SIK3: variants seen among roughly 807,000 people sequenced by gnomAD.
The protein encoded by SIK3 is SIK family kinase 3, also known as serine/threonine-protein kinase SIK3.
Under a neutral mutation model 144.2 loss-of-function variants are expected in SIK3, and 28 were observed. The observed-to-expected ratio is 0.19, with a 90% confidence interval of 0.14 to 0.27. The LOEUF (loss-of-function observed/expected upper bound fraction) is 0.27. SIK3 is among the 10% of genes least tolerant of loss of function. SIK3 has a pLI of 1.00. For synonymous variants in SIK3, 686 were observed against 676.3 expected, an observed-to-expected ratio of 1.01 and a Z score of -0.22; for missense variants, 1,319 against 1,776.0, an observed-to-expected ratio of 0.74 and a Z score of 4.62.
chr11:116,939,240 T>C (rs1196448298), intron 3 of SIK3, among the ~76,000 whole-genome samples: 2 of 152,146 alleles, frequency 1.3e-5, no homozygotes, highest in African/African-American at 2.4e-5. Flanking sequence ...CTCCGCCTCC[T>C]GGGTTCAAGC....
chr11:116,964,731 A>G (rs1398850477), intron 1 of SIK3, among the ~76,000 whole-genome samples: 2 of 152,040 alleles, frequency 1.3e-5, no homozygotes, highest in Non-Finnish European at 2.9e-5. Context: ...AAATACAAAA[A>G]TTAGCCAGGT....
intron 15 of SIK3, among the ~76,000 whole-genome samples, chr11:116,865,657 G>C (rs951871006): frequency 6.6e-6 from 1 of 152,084 alleles, no homozygotes; most frequent in Non-Finnish European, 1.5e-5. Context: ...TTCCAGAAAT[G>C]AAAAGGTTGA....
intron 1 of SIK3, among the ~76,000 whole-genome samples, chr11:117,059,042 C>T (rs143482866): frequency 3.2e-4 from 48 of 152,186 alleles, no homozygotes; most frequent in African/African-American, 1.1e-3. Flanking sequence ...AAGGGGCTGG[C>T]GGCCTCAGTG....
At chr11:117,008,252 C>T (rs1951126412) in intron 1 of SIK3, among the ~76,000 whole-genome samples, 1 of 152,058 alleles carries the variant, frequency 6.6e-6, no homozygotes. Context: ...CATTTATATG[C>T]TATGCTAAGC....
intron 19 of SIK3, among the ~76,000 whole-genome samples, chr11:116,860,237 C>G (rs1387949868): frequency 6.6e-6 from 1 of 150,542 alleles, no homozygotes; most frequent in Non-Finnish European, 1.5e-5. Context: ...GGGGGAGACT[C>G]CATCTCAAAA....
chr11:117,076,611 C>T, intron 1 of SIK3, among the ~76,000 whole-genome samples: 1 of 152,028 alleles, frequency 6.6e-6, no homozygotes, highest in Non-Finnish European at 1.5e-5. Flanking sequence ...ACTGCAACCT[C>T]CACCTCCCGG....
intron 4 of SIK3, among the ~76,000 whole-genome samples, chr11:116,925,193 G>C (rs1025730346): frequency 6.6e-6 from 1 of 151,816 alleles, no homozygotes; most frequent in Admixed American, 6.6e-5. Flanking sequence ...AGGTTGCAGT[G>C]AGCTGAGATC....
chr11:116,961,822 T>C (rs1181425760), intron 1 of SIK3, among the ~76,000 whole-genome samples: 1 of 152,200 alleles, frequency 6.6e-6, no homozygotes, highest in Non-Finnish European at 1.5e-5. Flanking sequence ...TGAGAGTCCT[T>C]AATTTCCCTA....
At chr11:116,989,880 T>A (rs1950443703) in intron 1 of SIK3, among the ~76,000 whole-genome samples, 1 of 152,196 alleles carries the variant, frequency 6.6e-6, no homozygotes, top group Admixed American at 6.6e-5. Context: ...ACATAGGATT[T>A]TAGGTTCAAA....
chr11:117,074,882 G>A (rs535457373), intron 1 of SIK3, among the ~76,000 whole-genome samples: 127 of 151,036 alleles, frequency 8.4e-4, no homozygotes, highest in Non-Finnish European at 1.7e-3. Context: ...AGTCAAGATC[G>A]CGCCATTGCA....
chr11:117,056,006 C>CCTATTG (rs1953499485), intron 1 of SIK3, among the ~76,000 whole-genome samples: 4 of 152,190 alleles, frequency 2.6e-5, no homozygotes, highest in Admixed American at 2.6e-4. Context: ...CAGGTATTCT[C>CCTATTG]CTATAGCAGC....
At chr11:117,060,394 C>T (rs537872349) in intron 1 of SIK3, among the ~76,000 whole-genome samples, 146 of 151,896 alleles carry the variant, frequency 9.6e-4, no homozygotes, top group African/African-American at 3.4e-3. Flanking sequence ...ATCAGGAGTT[C>T]GAGACCAACC....
intron 3 of SIK3, among the ~76,000 whole-genome samples, chr11:116,934,877 C>T (rs1947823783): frequency 6.6e-6 from 1 of 152,030 alleles, no homozygotes; most frequent in South Asian, 2.1e-4. Flanking sequence ...GTCAGGAGTT[C>T]AAGACCAGCC....
intron 1 of SIK3, among the ~76,000 whole-genome samples, chr11:117,089,937 C>T (rs1203563837): frequency 6.6e-6 from 1 of 151,998 alleles, no homozygotes; most frequent in African/African-American, 2.4e-5. Context: ...TGTCCAGAGG[C>T]TCCTTGTCTA....
chr11:116,922,840 G>C (rs1463519464), intron 4 of SIK3, among the ~76,000 whole-genome samples: 2 of 149,196 alleles, frequency 1.3e-5, no homozygotes, highest in Non-Finnish European at 3.0e-5. Context: ...AAGTTATTTT[G>C]GTACTATAAC....
intron 1 of SIK3, 56 bp downstream of exon 1, chr11:117,098,087 C>T: frequency 3.0e-6 from 4 of 1,311,750 alleles, no homozygotes; most frequent in East Asian, 3.8e-5. Flanking sequence ...CTGGGGGGCG[C>T]GGACCTCTCC....
chr11:116,976,613 T>C (rs1452296203), intron 1 of SIK3, among the ~76,000 whole-genome samples: 1 of 152,242 alleles, frequency 6.6e-6, no homozygotes, highest in Non-Finnish European at 1.5e-5. Context: ...TCTTGTTTCT[T>C]CTAGTTCTTG....
intron 1 of SIK3, among the ~76,000 whole-genome samples, chr11:117,068,056 T>C (rs530949525): frequency 6.6e-6 from 1 of 152,204 alleles, no homozygotes; most frequent in East Asian, 1.9e-4. Flanking sequence ...TGGAACACTG[T>C]GGAAATAACA....
intron 4 of SIK3, among the ~76,000 whole-genome samples, chr11:116,900,077 T>C (rs1217925825): frequency 6.6e-6 from 1 of 152,194 alleles, no homozygotes; most frequent in Non-Finnish European, 1.5e-5. Context: ...CAAATTTATA[T>C]GTCTGGCCCT....
Sources: gnomAD v4.1 joint callset for allele counts (sites outside exome capture counted in the v4.1 genomes callset) on GRCh38, gnomAD v4.1.1 for gene constraint, MANE v1.5 for transcripts, NCBI Gene and HGNC (gene_info 2026-07-23, HGNC 2026-07-21) for gene names.